The following GALNT18 variants were observed in gnomAD, a reference collection of about 807,000 sequenced individuals.
GALNT18 encodes polypeptide N-acetylgalactosaminyltransferase 18, also known as GalNAc-transferase 18.
In GALNT18, 44 loss-of-function variants were observed where a neutral mutation model predicts 69.5. The observed-to-expected ratio is 0.63, with a 90% CI of 0.50 to 0.81. The LOEUF is 0.81. Among genes scored for constraint, GALNT18 ranks in the 40% least tolerant of loss-of-function variants. The probability of loss-of-function intolerance (pLI) is 0.00; values close to 1 mark genes in which losing one functional copy is unlikely to be tolerated. For synonymous variants in GALNT18, 364 were observed against 318.2 expected, an observed-to-expected ratio of 1.14 and a Z score of -1.53; for missense variants, 715 against 810.0, an observed-to-expected ratio of 0.88 and a Z score of 1.42.
Position 11,497,361 on chromosome 11 carries a change from CA to C in GALNT18, c.236-48426del, listed in dbSNP as rs1210973210. 3.5e-4 allele frequency among the ~76,000 whole-genome samples: 53 copies of C among 150,962 alleles called. No homozygotes were observed. Among genetic ancestry groups the C allele is most frequent in the Non-Finnish European group, 5.8e-4 (39 of 67,678 alleles). On this transcript the variant is annotated intron_variant, in intron 1 of 10. Transcript: ENST00000227756. This position sits in a 1 kb window ranked among gnomAD's most constrained non-coding sequence, Gnocchi z 4.2. ...ACACACACACACACACACACACACA[CA>C]CACACACACCCCTTAGAATGGGGCT... is the stretch of plus-strand genomic sequence containing the variant.
In GALNT18 at chr11:11,430,584, C is replaced by G. The variant is rs1169116133; in HGVS notation, c.595+2037G>C. ...GCTCGTCTGCATCCCTGATGACGGA[C>G]TACTGCACCAGGGCATTGCTCCTGC... On this transcript the variant is annotated intron_variant, in intron 3 of 10. Transcript: ENST00000227756. The surrounding 1 kb of genome is among the most constrained non-coding windows in gnomAD (Gnocchi z 4.9). 1.3e-5 allele frequency among the ~76,000 whole-genome samples: 2 copies of G among 152,246 alleles called. No homozygotes were observed.
chr11:11,296,701 A>T (rs987614248), intron 9 of GALNT18, among the ~76,000 whole-genome samples: 1 of 152,218 alleles, frequency 6.6e-6, no homozygotes, highest in Non-Finnish European at 1.5e-5. Flanking sequence ...TATCTGGTAC[A>T]GCTGTCATCA....
In GALNT18 at chr11:11,417,803, TG is replaced by T. The variant is rs530615303; in HGVS notation, c.595+14817del. Among the ~76,000 whole-genome samples the T allele has an allele frequency of 6.3e-3, 955 of 152,346 alleles. 6 individuals carry two copies. The highest frequency in any genetic ancestry group is 0.011 in the South Asian group (55 of 4,830). ...CTGGATCCAACTAGGGCTCAAATGCTGGGTCTGCCATTCCCAGCTGTGTAAC... is the reference window on the plus strand; with the variant it reads ...CTGGATCCAACTAGGGCTCAAATGCTGGTCTGCCATTCCCAGCTGTGTAAC... On this transcript the variant is annotated intron_variant, in intron 3 of 10. Transcript: ENST00000227756.
chr11:11,522,087 A>T (rs1202127076), intron 1 of GALNT18, among the ~76,000 whole-genome samples: 45 of 152,060 alleles, frequency 3.0e-4, no homozygotes, highest in Admixed American at 2.9e-3. Flanking sequence ...GATGACTTCT[A>T]CCCACCCTAG....
chr11:11,609,034 C>T (rs1859822308), intron 1 of GALNT18, among the ~76,000 whole-genome samples: 1 of 152,208 alleles, frequency 6.6e-6, no homozygotes, highest in African/African-American at 2.4e-5. Flanking sequence ...TTTGTCTTCT[C>T]AGCCCAATTA....
Position 11,314,017 on chromosome 11 carries a change from C to T in GALNT18, c.1512+13069G>A, listed in dbSNP as rs535891395. ...GTTTGTTACTTTATTTAATAGCACC[C>T]GCCCCCATTTTACTGATCAGGGAGG... On this transcript the variant is annotated intron_variant, in intron 9 of 10. Coordinates refer to ENST00000227756, the MANE Select transcript of GALNT18 (RefSeq NM_198516.3). This position sits in a 1 kb window ranked among gnomAD's most constrained non-coding sequence, Gnocchi z 5.2. Among the ~76,000 whole-genome samples the T allele has an allele frequency of 6.6e-6, 1 of 152,126 alleles. No homozygotes were observed. Among genetic ancestry groups the T allele is most frequent in the Admixed American group, 6.5e-5 (1 of 15,284 alleles).
intron 1 of GALNT18, among the ~76,000 whole-genome samples, chr11:11,531,740 G>A (rs2133942914): frequency 6.6e-6 from 1 of 152,288 alleles, no homozygotes; most frequent in East Asian, 1.9e-4. Context: ...CCAGCCCTAG[G>A]TGTAACAAGA....
chr11:11,445,420 T>C (rs559815095), intron 2 of GALNT18, among the ~76,000 whole-genome samples: 2 of 152,300 alleles, frequency 1.3e-5, no homozygotes, highest in South Asian at 2.1e-4. Context: ...CCAGTGTCGT[T>C]TGAAATAGGA....
Position 11,573,976 on chromosome 11 carries a change from C to T in GALNT18, c.235+47383G>A, listed in dbSNP as rs929426410. ...AAATTAGGATGGCTGCCCAAGGTCA[C>T]CTAACTACTCTGAGAAAGAGCTGAC... On this transcript the variant is annotated intron_variant, in intron 1 of 10. Coordinates refer to ENST00000227756, the MANE Select transcript of GALNT18 (RefSeq NM_198516.3). The surrounding 1 kb of genome is among the most constrained non-coding windows in gnomAD (Gnocchi z 4.6). 5.3e-5 allele frequency among the ~76,000 whole-genome samples: 8 copies of T among 152,092 alleles called. No individual in the cohort carries two copies. Among genetic ancestry groups the T allele is most frequent in the Non-Finnish European group, 8.8e-5 (6 of 68,034 alleles).
In GALNT18 at chr11:11,621,609, C is replaced by T. The variant is rs1218039065; in HGVS notation, c.-16G>A. On this transcript the variant is annotated 5_prime_UTR_variant, in exon 1 of 11. Transcript: ENST00000227756. The surrounding 1 kb of genome is among the most constrained non-coding windows in gnomAD (Gnocchi z 9.3). ...TGCACACCATTCTGGGCTCCTTCCT[C>T]CATATAGAGCTCCCGGGGGCCCTTC... The T allele has an allele frequency of 6.5e-7, 1 of 1,549,042 alleles. No homozygotes were observed. Among genetic ancestry groups the T allele is most frequent in the East Asian group, 2.4e-5 (1 of 41,642 alleles).
intron 9 of GALNT18, among the ~76,000 whole-genome samples, chr11:11,297,277 CT>C (rs1849418227): frequency 1.3e-5 from 2 of 152,222 alleles, no homozygotes; most frequent in South Asian, 4.1e-4. Flanking sequence ...GTTTTTACCT[CT>C]TACACTGTGC....
intron 1 of GALNT18, among the ~76,000 whole-genome samples, chr11:11,464,089 C>T (rs1376585028): frequency 6.6e-6 from 1 of 152,184 alleles, no homozygotes. Context: ...AATGGGGTCC[C>T]AAGCTTATCT....
chr11:11,390,099 GCTC>G (rs1483027915), intron 3 of GALNT18, among the ~76,000 whole-genome samples: 1 of 152,068 alleles, frequency 6.6e-6, no homozygotes, highest in East Asian at 1.9e-4. Flanking sequence ...ATGAGTCTAA[GCTC>G]CTGTAAATGC....
intron 6 of GALNT18, among the ~76,000 whole-genome samples, chr11:11,348,448 G>A (rs1850342346): frequency 1.3e-5 from 2 of 151,890 alleles, no homozygotes; most frequent in Non-Finnish European, 1.5e-5. Context: ...AAAGCCAGAG[G>A]CCATCAGCAA....
At chr11:11,416,528 G>A (rs1413434905) in intron 3 of GALNT18, among the ~76,000 whole-genome samples, 4 of 152,114 alleles carry the variant, frequency 2.6e-5, no homozygotes, top group African/African-American at 9.7e-5. Context: ...ATTCATTTCT[G>A]TCACCCCATC....
At chr11:11,290,708 G>C (rs1013663309) in intron 10 of GALNT18, among the ~76,000 whole-genome samples, 1 of 152,068 alleles carries the variant, frequency 6.6e-6, no homozygotes, top group Non-Finnish European at 1.5e-5. Flanking sequence ...CACCAGCCCT[G>C]CCCACCCCTA....
rs1375297763 is a variant in GALNT18, at chr11:11,436,429, C to T, written c.429-3642G>A. On this transcript the variant is annotated intron_variant, in intron 2 of 10. Coordinates refer to ENST00000227756, the MANE Select transcript of GALNT18 (RefSeq NM_198516.3). This position sits in a 1 kb window ranked among gnomAD's most constrained non-coding sequence, Gnocchi z 4.5. ...CTCATCCCAGTTTGCCCAGGACCTT[C>T]CCAGTTTCAGCACTGAAAGTCCTAG... Among the ~76,000 whole-genome samples, 3 of 152,002 alleles carry T rather than the reference C, an allele frequency of 2.0e-5. No individual in the cohort carries two copies. The highest frequency in any genetic ancestry group is 4.4e-5 in the Non-Finnish European group (3 of 67,992).
intron 6 of GALNT18, among the ~76,000 whole-genome samples, chr11:11,354,512 T>C (rs1212580395): frequency 2.6e-5 from 4 of 152,194 alleles, no homozygotes; most frequent in Non-Finnish European, 4.4e-5. Flanking sequence ...TCCTTGTCTA[T>C]GAAATGGAGA....
intron 9 of GALNT18, among the ~76,000 whole-genome samples, chr11:11,321,489 A>T (rs1419064947): frequency 6.6e-6 from 1 of 152,244 alleles, no homozygotes; most frequent in Non-Finnish European, 1.5e-5. Flanking sequence ...TTGTGTAGCA[A>T]GACAAACCCT....
Sources: gnomAD v4.1 joint callset for allele counts (sites outside exome capture counted in the v4.1 genomes callset) on GRCh38, gnomAD v4.1.1 for gene constraint, Gnocchi (gnomAD v3.1) non-coding constraint, MANE v1.5 for transcripts, NCBI Gene and HGNC (gene_info 2026-07-23, HGNC 2026-07-21) for gene names.